The following GCA variants were observed in gnomAD, a reference collection of about 807,000 sequenced individuals.
GCA encodes the protein grancalcin, EF-hand calcium-binding protein.
GCA carries 30 observed loss-of-function variants against 32.6 expected under a neutral mutation model. The observed-to-expected ratio is 0.92, with a 90% CI of 0.69 to 1.25. The LOEUF is 1.25. Ranked by LOEUF, GCA falls within the 50% of genes most tolerant of loss-of-function variation. The probability of loss-of-function intolerance (pLI) is 0.00; values close to 1 mark genes in which losing one functional copy is unlikely to be tolerated. For missense variants in GCA, 291 were observed against 266.8 expected, an observed-to-expected ratio of 1.09 and a Z score of -0.63; for synonymous variants, 102 against 84.6, an observed-to-expected ratio of 1.21 and a Z score of -1.13.
rs1576304524 is a variant in GCA at position 162,362,168 on chromosome 2, A to G, written c.*1925A>G. The G allele has an allele frequency of 5.1e-6, 5 of 984,660 alleles. No individual in the cohort carries two copies. The highest frequency in any genetic ancestry group is 6.0e-6 in the Non-Finnish European group (5 of 829,454). The allele number at this position is 984,660 out of a possible 1,614,324, so 61.0% of individuals were successfully genotyped here. On this transcript the variant is annotated 3_prime_UTR_variant, in exon 8 of 8. Transcript: ENST00000437150. Reference sequence around the variant, plus strand: ...CACTTTCTAAAGCTTGACAAGGTATATTAGCATCTGAAACCCCAAGGTTAA... The same window carrying G: ...CACTTTCTAAAGCTTGACAAGGTATGTTAGCATCTGAAACCCCAAGGTTAA...
chr2:162,345,399 G>T (rs1258392330), intron 1 of GCA, among the ~76,000 whole-genome samples: 2 of 152,034 alleles, frequency 1.3e-5, no homozygotes, highest in Admixed American at 6.6e-5. Context: ...TAGCGTATAC[G>T]TATTTTCATT....
intron 1 of GCA, among the ~76,000 whole-genome samples, chr2:162,320,612 G>C (rs1470946779): frequency 6.6e-6 from 1 of 152,160 alleles, no homozygotes; most frequent in Admixed American, 6.5e-5. Context: ...TATTTGACCT[G>C]TTCTCAAATA....
chr2:162,358,390 A>C (rs749288641), intron 5 of GCA, among the ~76,000 whole-genome samples: 1 of 151,516 alleles, frequency 6.6e-6, no homozygotes, highest in Non-Finnish European at 1.5e-5. Context: ...CTGGGAGTGA[A>C]TGATCAAAAA....
upstream of GCA, among the ~76,000 whole-genome samples, chr2:162,341,337 T>C (rs1684443924): frequency 6.8e-6 from 1 of 148,148 alleles, no homozygotes; most frequent in African/African-American, 2.5e-5. Context: ...GGTTTGTGAT[T>C]GAAATTTGCT....
chr2:162,333,864 A>G (rs1353558433), intron 1 of GCA, among the ~76,000 whole-genome samples: 12 of 151,574 alleles, frequency 7.9e-5, no homozygotes, highest in Admixed American at 7.9e-4. Flanking sequence ...TTAACATTTA[A>G]TAATTGTGGA....
intron 1 of GCA, 34 bp downstream of exon 1, chr2:162,344,309 C>T (rs1378167275): frequency 3.1e-6 from 5 of 1,609,756 alleles, no homozygotes; most frequent in East Asian, 2.2e-5. Flanking sequence ...GTCCCTCTTC[C>T]TCGCGGGGTG....
chr2:162,358,611 T>C (rs1426020184), intron 5 of GCA, among the ~76,000 whole-genome samples: 2 of 151,352 alleles, frequency 1.3e-5, no homozygotes, highest in East Asian at 1.9e-4. Context: ...TTTCTCTTAG[T>C]TATAAAAGAT....
intron 1 of GCA, among the ~76,000 whole-genome samples, chr2:162,327,436 C>G (rs1225178955): frequency 1.3e-5 from 2 of 152,150 alleles, no homozygotes; most frequent in African/African-American, 4.8e-5. Context: ...AGGAGAAGAA[C>G]CTCTCACTTA....
chr2:162,336,505 C>G (rs1162911750), intron 1 of GCA, among the ~76,000 whole-genome samples: 1 of 152,160 alleles, frequency 6.6e-6, no homozygotes, highest in Non-Finnish European at 1.5e-5. Context: ...CCTAAAGATT[C>G]TGTTGCTAGG....
intron 1 of GCA, among the ~76,000 whole-genome samples, chr2:162,330,313 TC>T (rs1054277405): frequency 3.9e-5 from 6 of 152,348 alleles, no homozygotes; most frequent in Admixed American, 3.9e-4. Flanking sequence ...CATTCCTTTT[TC>T]TCCGTAACCT....
rs1685296393 is a variant in GCA at position 162,356,783 on chromosome 2, T to G, written c.332T>G (p.Phe111Cys). ...LDRDHTGKMG[F>C]NAFKELWAAL... ...AGAGATCACACAGGAAAAATGGGATTTAATGCATTCAAAGAGCTATGGGCA... is the reference window on the plus strand; with the variant it reads ...AGAGATCACACAGGAAAAATGGGATGTAATGCATTCAAAGAGCTATGGGCA... The change falls in exon 5 of 8, where the codon TTT becomes TGT. Residue 111 changes from phenylalanine to cysteine, a missense_variant. Phe to Cys is a radical substitution (Grantham distance 205). Coordinates refer to ENST00000437150, the MANE Select transcript of GCA (RefSeq NM_012198.5). 3 of 1,608,298 alleles carry G rather than the reference T, an allele frequency of 1.9e-6. No homozygotes were observed. In the Admixed American group the frequency reaches 5.0e-5, roughly 27 times the overall value.
chr2:162,373,658 C>T, downstream of GCA: 1 of 1,506,180 alleles, frequency 6.6e-7, no homozygotes, highest in South Asian at 1.4e-5. Context: ...ATTTGGGATT[C>T]AAGCCTACAG....
intron 5 of GCA, among the ~76,000 whole-genome samples, chr2:162,357,813 CAG>C (rs1484808742): frequency 1.3e-5 from 2 of 151,516 alleles, no homozygotes; most frequent in Non-Finnish European, 3.0e-5. Context: ...AGAAAACCTC[CAG>C]AGTTCCCGTT....
intron 5 of GCA, among the ~76,000 whole-genome samples, chr2:162,358,217 A>G (rs1685383768): frequency 6.6e-6 from 1 of 151,562 alleles, no homozygotes. Flanking sequence ...TATACATCTC[A>G]TTAAATGCAT....
intron 3 of GCA, among the ~76,000 whole-genome samples, chr2:162,353,936 T>C (rs1558899694): frequency 6.6e-6 from 1 of 152,098 alleles, no homozygotes; most frequent in Non-Finnish European, 1.5e-5. Flanking sequence ...TTTCCTCAAC[T>C]TTATTTCCTA....
intron 1 of GCA, among the ~76,000 whole-genome samples, chr2:162,345,350 T>A (rs1203182241): frequency 6.6e-6 from 1 of 152,190 alleles, no homozygotes; most frequent in African/African-American, 2.4e-5. Flanking sequence ...CGAAGATTAA[T>A]CAAGATAGCA....
At chr2:162,371,978 T>G (rs1344705911), downstream of GCA, 4 of 1,613,874 alleles carry the variant, frequency 2.5e-6, no homozygotes, top group Non-Finnish European at 1.7e-6. Flanking sequence ...GAGAGATCAC[T>G]GTCTTGTTTT....
intron 1 of GCA, among the ~76,000 whole-genome samples, chr2:162,325,819 T>C (rs13407047): frequency 0.055 from 8,416 of 152,238 alleles, 807 homozygotes; most frequent in African/African-American, 0.19. Context: ...GGTGAAATTC[T>C]GGAAAGCCTC....
intron 1 of GCA, among the ~76,000 whole-genome samples, chr2:162,338,365 G>C (rs1250672407): frequency 2.0e-5 from 3 of 152,136 alleles, no homozygotes; most frequent in African/African-American, 7.2e-5. Flanking sequence ...TTGATGAAAC[G>C]ATTTTTAATT....
Sources: allele counts gnomAD v4.1 joint callset (sites outside exome capture counted in the v4.1 genomes callset), GRCh38; gene constraint gnomAD v4.1.1; transcripts MANE v1.5; gene names NCBI Gene and HGNC (gene_info 2026-07-23, HGNC 2026-07-21).